Variants in SYNE3 observed in about 807,000 individuals in gnomAD.
SYNE3 encodes nesprin-3.
A neutral mutation model predicts 111.2 loss-of-function variants in SYNE3; 100 were observed. The observed-to-expected ratio is 0.90, with a 90% confidence interval of 0.77 to 1.06. SYNE3 has a LOEUF of 1.06. SYNE3 is among the 50% of genes least tolerant of loss of function. SYNE3 has a pLI of 0.00. For missense variants in SYNE3, 1,160 were observed against 1,240.3 expected, an observed-to-expected ratio of 0.94 and a Z score of 0.97; for synonymous variants, 547 against 533.9, an observed-to-expected ratio of 1.02 and a Z score of -0.34.
chr14:95,423,631 GAT>G, intron 17 of SYNE3, among the ~76,000 whole-genome samples: 1 of 35,862 alleles, frequency 2.8e-5, no homozygotes, highest in Non-Finnish European at 6.5e-5. Flanking sequence ...ATGGGGATTT[GAT>G]GGGGATGGGG....
rs201858725 is a variant in SYNE3, at chr14:95,475,681, G to A, written c.141C>T (p.Thr47=). The change falls in exon 2 of 18, where the codon ACC becomes ACT. Residue 47 remains threonine (T), a synonymous_variant. Transcript: ENST00000682763. ...CTGAGGCCACGCCTCTGCATACCTC[G>A]GTCTCCCACAGCCTGGCCTCCAGGG... ...RAALEARLWE[T]EKICQLEPEG... The A allele has an allele frequency of 3.0e-5, 47 of 1,555,106 alleles. No individual in the cohort carries two copies. Among genetic ancestry groups the A allele is most frequent in the African/African-American group, 8.2e-5 (6 of 73,214 alleles).
chr14:95,444,043 T>A, intron 10 of SYNE3: 1 of 177,128 alleles, frequency 5.6e-6, no homozygotes, highest in Non-Finnish European at 1.2e-5. Flanking sequence ...AAGAGAGAAC[T>A]ATTGTATCAC....
chr14:95,482,446 A>T (rs1349455143), intron 1 of SYNE3, among the ~76,000 whole-genome samples: 1 of 152,108 alleles, frequency 6.6e-6, no homozygotes, highest in Non-Finnish European at 1.5e-5. Flanking sequence ...TAAATTAATT[A>T]ATTAATATTA....
Position 95,436,919 on chromosome 14 carries a change from A to G in SYNE3, c.2439T>C (p.Phe813=), listed in dbSNP as rs1886116842. ...AGTTTTCCACCTGCAACCACTGCCCAAAGTTCCTCAGGAGCTGGGAGAAAT... is the reference window on the plus strand; with the variant it reads ...AGTTTTCCACCTGCAACCACTGCCCGAAGTTCCTCAGGAGCTGGGAGAAAT... ...HEDFSQLLRN[F]GQWLQVENSK... The change falls in exon 15 of 18, where the codon TTT becomes TTC. Residue 813 remains phenylalanine, a synonymous_variant. Coordinates refer to ENST00000682763, the MANE Select transcript of SYNE3 (RefSeq NM_152592.6). The G allele has an allele frequency of 1.9e-6, 3 of 1,614,076 alleles. No homozygotes were observed. In the African/African-American group the frequency reaches 4.0e-5, roughly 22 times the overall value.
chr14:95,482,090 C>T (rs1262773290), intron 1 of SYNE3, among the ~76,000 whole-genome samples: 1 of 152,222 alleles, frequency 6.6e-6, no homozygotes, highest in Non-Finnish European at 1.5e-5. Context: ...CCATAAGGAC[C>T]AGGTTCTTAC....
intron 1 of SYNE3, among the ~76,000 whole-genome samples, chr14:95,481,204 C>T (rs1468776979): frequency 1.2e-4 from 19 of 152,208 alleles, no homozygotes. Flanking sequence ...AAACCTTGTT[C>T]TATTGGATTC....
rs199512224 is a variant in SYNE3, at chr14:95,433,313, G to C, written c.2635C>G (p.Arg879Gly). Residue 879 changes from arginine (R) to glycine (G), a missense_variant, in exon 16 of 18, where the codon CGC (arginine) becomes GGC (glycine). Transcript: ENST00000682763. ...RGTSDELEDL[R>G]YQWMLYKSKL... is the part of the protein sequence containing the mutation. ...GACTTGTACAGCATCCACTGGTAGC[G>C]CAGATCTTCCAGCTCATCCGAGGTC... The C allele has an allele frequency of 3.1e-6, 5 of 1,614,176 alleles. No individual in the cohort carries two copies. In the South Asian group the frequency reaches 5.5e-5, roughly 18 times the overall value.
At chr14:95,489,595 A>T (rs1352208801) in intron 1 of SYNE3, among the ~76,000 whole-genome samples, 1 of 152,216 alleles carries the variant, frequency 6.6e-6, no homozygotes, top group African/African-American at 2.4e-5. Flanking sequence ...GTTGGTGCTT[A>T]GTAGGTACTC....
chr14:95,450,512 CA>C (rs1047793747), intron 7 of SYNE3: 87 of 166,836 alleles, frequency 5.2e-4, no homozygotes, highest in African/African-American at 1.7e-3. Flanking sequence ...CCATCCCCCC[CA>C]AAAAAATTTA....
intron 1 of SYNE3, among the ~76,000 whole-genome samples, chr14:95,513,737 T>TTATATTTATATATA (rs1555359764): frequency 1.1e-5 from 1 of 92,500 alleles, no homozygotes; most frequent in South Asian, 4.3e-4. Flanking sequence ...GCTGCTTAGA[T>TTATATTTATATATA]TATATATATA....
At chr14:95,476,588 C>T (rs145813835) in intron 1 of SYNE3, among the ~76,000 whole-genome samples, 92 of 152,376 alleles carry the variant, frequency 6.0e-4, no homozygotes, top group Non-Finnish European at 1.2e-3. Context: ...GGCTGCAAAG[C>T]CTCAGATTTT....
chr14:95,473,076 G>A (rs1420422483), intron 2 of SYNE3, among the ~76,000 whole-genome samples: 2 of 152,176 alleles, frequency 1.3e-5, no homozygotes, highest in Admixed American at 6.5e-5. Context: ...TTACCAGCTG[G>A]CAACAGGAAA....
In SYNE3 at chr14:95,470,405, G is replaced by A. The variant is rs1888452963; in HGVS notation, c.145-2438C>T. On this transcript the variant is annotated intron_variant, in intron 2 of 17. Transcript: ENST00000682763. The surrounding 1 kb of genome is among the most constrained non-coding windows in gnomAD (Gnocchi z 4.2). ...CCAGCAGTTTGGGAGACCAAGGCAG[G>A]AGGATCGCTGAGGCCAGGAGTATGC... Among the ~76,000 whole-genome samples the A allele has an allele frequency of 6.6e-6, 1 of 152,010 alleles. No homozygotes were observed. The highest frequency in any genetic ancestry group is 1.5e-5 in the Non-Finnish European group (1 of 67,992).
chr14:95,498,215 G>A (rs546397562), intron 1 of SYNE3, among the ~76,000 whole-genome samples: 105 of 151,898 alleles, frequency 6.9e-4, no homozygotes, highest in Middle Eastern at 3.4e-3. Context: ...TTTTGAGATG[G>A]AGTCTTGCTC....
chr14:95,474,832 T>C (rs769914483), intron 2 of SYNE3, among the ~76,000 whole-genome samples: 32 of 152,190 alleles, frequency 2.1e-4, no homozygotes, highest in Non-Finnish European at 3.5e-4. Flanking sequence ...GGTGACTGGT[T>C]TGCTGCGGGA....
In SYNE3 at chr14:95,450,042, C is replaced by T; in HGVS notation, c.1338G>A (p.Gln446=). ...AAAVELWQHF[Q]RPLQDLQLWK... is the part of the protein sequence containing the mutation. ...ACAGCTGCAGATCCTGCAGAGGCCG[C>T]TGGAAATGCTGCCACAGCTCCACCG... is the stretch of plus-strand genomic sequence containing the variant. The change falls in exon 8 of 18, where the codon CAG becomes CAA. Residue 446 remains glutamine (Q), a synonymous_variant. Coordinates refer to ENST00000682763, the MANE Select transcript of SYNE3 (RefSeq NM_152592.6). The T allele has an allele frequency of 1.3e-6, 2 of 1,564,116 alleles. No individual in the cohort carries two copies. The highest frequency in any genetic ancestry group is 1.7e-6 in the Non-Finnish European group (2 of 1,154,374).
intron 1 of SYNE3, among the ~76,000 whole-genome samples, chr14:95,498,122 ATT>A (rs34301519): frequency 6.6e-6 from 1 of 151,434 alleles, no homozygotes; most frequent in Admixed American, 6.6e-5. Context: ...GGTATTAACA[ATT>A]TTTTTTAAAA....
At chr14:95,457,445 T>A in intron 4 of SYNE3, 107 bp from the exon 5 acceptor site, 1 of 1,337,574 alleles carries the variant, frequency 7.5e-7, no homozygotes, top group East Asian at 2.3e-5. Flanking sequence ...TGTGTGTGTG[T>A]TAGCAGGGGG....
intron 1 of SYNE3, among the ~76,000 whole-genome samples, chr14:95,495,379 G>A (rs1890045471): frequency 6.6e-6 from 1 of 152,228 alleles, no homozygotes; most frequent in Non-Finnish European, 1.5e-5. Context: ...GGGTTCATCT[G>A]CGACCCTATG....
Sources: gnomAD v4.1 joint callset for allele counts (sites outside exome capture counted in the v4.1 genomes callset) on GRCh38, gnomAD v4.1.1 for gene constraint, Gnocchi (gnomAD v3.1) non-coding constraint, MANE v1.5 for transcripts, NCBI Gene and HGNC (gene_info 2026-07-23, HGNC 2026-07-21) for gene names.